DYM: variants seen among roughly 807,000 people sequenced by gnomAD.
The protein encoded by DYM is dyggve-Melchior-Clausen syndrome protein.
Under a neutral mutation model 93.1 loss-of-function variants are expected in DYM, and 78 were observed. That is an observed-to-expected ratio of 0.84 (90% CI 0.70 to 1.01). The LOEUF (loss-of-function observed/expected upper bound fraction) is 1.01, where lower values mean the gene tolerates loss of function less well. Among genes scored for constraint, DYM ranks in the 50% least tolerant of loss-of-function variants. The probability of loss-of-function intolerance (pLI) is 0.00; values close to 1 mark genes in which losing one functional copy is unlikely to be tolerated. For synonymous variants in DYM, 321 were observed against 319.7 expected (o/e 1.00, Z -0.04); for missense variants, 789 against 845.0 (o/e 0.93, Z 0.82).
intron 13 of DYM, among the ~76,000 whole-genome samples, chr18:49,232,952 T>C (rs2093750864): frequency 6.6e-6 from 1 of 152,152 alleles, no homozygotes; most frequent in Admixed American, 6.5e-5. Context: ...TCACACTCCC[T>C]TTCAGTAGAT....
At chr18:49,454,006 T>C (rs2082752437) in intron 1 of DYM, among the ~76,000 whole-genome samples, 1 of 152,210 alleles carries the variant, frequency 6.6e-6, no homozygotes, top group Non-Finnish European at 1.5e-5. Flanking sequence ...AAACCAGTGT[T>C]ACAACCCATC....
At chr18:49,457,131 T>C (rs1600422331) in intron 1 of DYM, among the ~76,000 whole-genome samples, 1 of 152,208 alleles carries the variant, frequency 6.6e-6, no homozygotes, top group Non-Finnish European at 1.5e-5. Context: ...CAGAAGAACC[T>C]GAGAAGAGGC....
At chr18:49,080,011 G>A (rs1448805366) in intron 17 of DYM, among the ~76,000 whole-genome samples, 2 of 150,040 alleles carry the variant, frequency 1.3e-5, no homozygotes, top group South Asian at 2.1e-4. Context: ...CCTCCCGGAC[G>A]GGGCGGCTGG....
intron 14 of DYM, among the ~76,000 whole-genome samples, chr18:49,171,023 C>CA (rs757003503): frequency 4.0e-5 from 6 of 151,888 alleles, no homozygotes; most frequent in African/African-American, 9.7e-5. Flanking sequence ...CCAACAACAA[C>CA]AAAAAAACAA....
At chr18:49,216,136 G>C (rs1186893717) in intron 13 of DYM, among the ~76,000 whole-genome samples, 5 of 152,242 alleles carry the variant, frequency 3.3e-5, no homozygotes, top group Admixed American at 6.5e-5. Flanking sequence ...CACCCACGGA[G>C]TCTCACTGAC....
At position 49,460,425 on chromosome 18, in the gene DYM, C is replaced by G. The variant is rs373401526; in HGVS notation, c.-81G>C. The G allele has an allele frequency of 3.9e-5, 6 of 152,426 alleles. No individual in the cohort carries two copies. In the East Asian group the frequency reaches 9.7e-4, roughly 25 times the overall value. 9.4% of individuals were successfully genotyped at this position (152,426 alleles called of 1,614,324 possible). On this transcript the variant is annotated 5_prime_UTR_variant, in exon 1 of 18. Transcript: ENST00000675505. ...GTCTCAGCCGGCTGGGGGATCTGCT[C>G]CAGCTCCACGGACCCGCGGACGGAT... is the stretch of plus-strand genomic sequence containing the variant.
At chr18:49,260,595 T>G (rs1201889325) in intron 11 of DYM, among the ~76,000 whole-genome samples, 1 of 152,154 alleles carries the variant, frequency 6.6e-6, no homozygotes, top group African/African-American at 2.4e-5. Flanking sequence ...CAAAACATTC[T>G]CGCAAGATTA....
At chr18:49,360,324 A>T (rs1266860660) in intron 6 of DYM, among the ~76,000 whole-genome samples, 1 of 147,804 alleles carries the variant, frequency 6.8e-6, no homozygotes, top group Non-Finnish European at 1.5e-5. Flanking sequence ...TGTGTTATAT[A>T]AAAAAAAAAA....
At chr18:49,408,332 T>C (rs1176178648) in intron 2 of DYM, among the ~76,000 whole-genome samples, 3 of 152,206 alleles carry the variant, frequency 2.0e-5, no homozygotes, top group Non-Finnish European at 4.4e-5. Context: ...CTGGTGGACA[T>C]TTAAGTTGTT....
At chr18:49,424,964 C>T (rs1351974605) in intron 2 of DYM, among the ~76,000 whole-genome samples, 1 of 152,132 alleles carries the variant, frequency 6.6e-6, no homozygotes, top group Non-Finnish European at 1.5e-5. Flanking sequence ...AATGGCCATA[C>T]TGCCCAAGGT....
intron 1 of DYM, among the ~76,000 whole-genome samples, chr18:49,459,485 A>C (rs1259214374): frequency 6.6e-6 from 1 of 151,974 alleles, no homozygotes; most frequent in African/African-American, 2.4e-5. Flanking sequence ...CCCTCAACTC[A>C]TCAGCCTAAG....
At chr18:49,082,529 T>A (rs115191864) in intron 17 of DYM, among the ~76,000 whole-genome samples, 1 of 152,210 alleles carries the variant, frequency 6.6e-6, no homozygotes, top group African/African-American at 2.4e-5. Context: ...CAATATGCTA[T>A]AGGGTGACAT....
At chr18:49,383,900 C>A (rs2068299347) in intron 3 of DYM, among the ~76,000 whole-genome samples, 1 of 152,050 alleles carries the variant, frequency 6.6e-6, no homozygotes, top group South Asian at 2.1e-4. Flanking sequence ...TACGCTGAAA[C>A]CTCAGAAGAA....
intron 15 of DYM, among the ~76,000 whole-genome samples, chr18:49,119,748 T>A (rs75916427): frequency 1.3e-5 from 2 of 152,190 alleles, no homozygotes; most frequent in East Asian, 3.9e-4. Context: ...TATGTACATA[T>A]AATGTAATGT....
rs552925247 is a variant in DYM, at chr18:49,346,665, T to C, written c.495-12812A>G. ...AAAATATACCTCAATGAAGTTGTTA[T>C]TTAAAAAATAAAAATGAGAAAGTTC... On this transcript the variant is annotated intron_variant, in intron 6 of 17. Coordinates refer to ENST00000675505, the MANE Select transcript of DYM (RefSeq NM_001353214.3). 3.3e-5 allele frequency among the ~76,000 whole-genome samples: 5 copies of C among 152,300 alleles called. No homozygotes were observed. In the East Asian group the frequency reaches 9.6e-4, roughly 29 times the overall value.
intron 14 of DYM, among the ~76,000 whole-genome samples, chr18:49,171,211 G>A (rs187757842): frequency 1.3e-5 from 2 of 152,244 alleles, no homozygotes. Flanking sequence ...GGAGCAGAGT[G>A]CTAGAGTAAT....
At position 49,331,925 on chromosome 18, in the gene DYM, A is replaced by G. The variant is rs141581987; in HGVS notation, c.702T>C (p.His234=). The change falls in exon 8 of 18, where the codon CAT becomes CAC. Residue 234 remains histidine, a synonymous_variant. Transcript: ENST00000675505. ...CCCCATCCGACTGCTGAGGGAAAAC[A>G]TGGGCCCCTGGAGGAGGTGGCTTTT... The part of the protein sequence containing the change: ...RQEKPPPPGA[H]VFPQQSDGGG... 65 of 1,614,152 alleles carry G rather than the reference A, an allele frequency of 4.0e-5. No individual in the cohort carries two copies. The East Asian group carries it at 1.4e-3, about 34-fold the overall frequency.
chr18:49,323,527 G>C (rs148400489), intron 8 of DYM, among the ~76,000 whole-genome samples: 1 of 152,300 alleles, frequency 6.6e-6, no homozygotes, highest in Non-Finnish European at 1.5e-5. Flanking sequence ...AGATGAGATC[G>C]TGAGAGTGGA....
At chr18:49,395,417 G>T (rs777627374) in intron 2 of DYM, among the ~76,000 whole-genome samples, 2 of 152,022 alleles carry the variant, frequency 1.3e-5, no homozygotes, top group South Asian at 4.2e-4. Context: ...ATCACCTGAC[G>T]TTGGGAGTTC....
Sources: gnomAD v4.1 joint callset for allele counts (sites outside exome capture counted in the v4.1 genomes callset) on GRCh38, gnomAD v4.1.1 for gene constraint, MANE v1.5 for transcripts, NCBI Gene and HGNC (gene_info 2026-07-23, HGNC 2026-07-21) for gene names.